Variants in PTK2 observed in about 807,000 individuals in gnomAD.
The protein encoded by PTK2 is focal adhesion kinase 1.
Under a neutral mutation model 150.1 loss-of-function variants are expected in PTK2, and 45 were observed. The ratio of observed to expected loss-of-function variants is 0.30; its 90% CI spans 0.24 to 0.38. PTK2 has a LOEUF of 0.38. Among genes scored for constraint, PTK2 ranks in the 10% least tolerant of loss-of-function variants. The pLI is 1.00. For synonymous variants in PTK2, 432 were observed against 449.2 expected, an observed-to-expected ratio of 0.96 and a Z score of 0.48; for missense variants, 919 against 1,307.3, an observed-to-expected ratio of 0.70 and a Z score of 4.58.
chr8:140,897,492 C>T (rs1337554922), intron 2 of PTK2, among the ~76,000 whole-genome samples: 1 of 152,180 alleles, frequency 6.6e-6, no homozygotes, highest in Non-Finnish European at 1.5e-5. Flanking sequence ...CTTCAGCTCT[C>T]TCCGGGAAGG....
At chr8:140,991,681 T>C (rs914141691) in intron 1 of PTK2, among the ~76,000 whole-genome samples, 2 of 152,056 alleles carry the variant, frequency 1.3e-5, no homozygotes, top group Admixed American at 6.5e-5. Flanking sequence ...TCACAAACAT[T>C]AGCATGCATC....
At chr8:140,918,320 T>C (rs1035298279) in intron 2 of PTK2, among the ~76,000 whole-genome samples, 5 of 152,186 alleles carry the variant, frequency 3.3e-5, no homozygotes, top group Non-Finnish European at 7.4e-5. Flanking sequence ...TATCTGACAC[T>C]CTTTAGTCCT....
chr8:140,973,047 T>G (rs929092760), intron 1 of PTK2, among the ~76,000 whole-genome samples: 1 of 152,272 alleles, frequency 6.6e-6, no homozygotes, highest in Non-Finnish European at 1.5e-5. Flanking sequence ...AAATTCTAAT[T>G]TTTCAGTTTC....
intron 1 of PTK2, among the ~76,000 whole-genome samples, chr8:140,980,320 C>T (rs2100190932): frequency 6.6e-6 from 1 of 152,094 alleles, no homozygotes; most frequent in Non-Finnish European, 1.5e-5. Flanking sequence ...AGCATGATAC[C>T]CTTAGTATAA....
chr8:140,823,067 G>T (rs1367546454), intron 8 of PTK2, among the ~76,000 whole-genome samples: 1 of 152,022 alleles, frequency 6.6e-6, no homozygotes, highest in African/African-American at 2.4e-5. Context: ...AAAAGCCCTG[G>T]AATATAAAAA....
At chr8:140,743,926 C>T (rs1264934576) in intron 19 of PTK2, among the ~76,000 whole-genome samples, 9 of 151,626 alleles carry the variant, frequency 5.9e-5, no homozygotes, top group African/African-American at 1.5e-4. Flanking sequence ...TACAGGCGCC[C>T]GCCACCATGC....
chr8:140,922,875 A>AT (rs960498255), intron 2 of PTK2, among the ~76,000 whole-genome samples: 1 of 152,134 alleles, frequency 6.6e-6, no homozygotes, highest in African/African-American at 2.4e-5. Flanking sequence ...CACAGGAAGG[A>AT]TTTTTTAGTC....
intron 14 of PTK2, among the ~76,000 whole-genome samples, chr8:140,778,137 C>G (rs1187355408): frequency 6.6e-6 from 1 of 152,154 alleles, no homozygotes; most frequent in Non-Finnish European, 1.5e-5. Flanking sequence ...AATTCCTGAC[C>G]AGGTAACAAG....
intron 1 of PTK2, among the ~76,000 whole-genome samples, chr8:140,926,727 A>G (rs2100169601): frequency 6.6e-6 from 1 of 152,222 alleles, no homozygotes; most frequent in African/African-American, 2.4e-5. Context: ...AATACAAAAA[A>G]TAGATGGGAA....
chr8:140,814,556 C>T (rs1008126803), intron 10 of PTK2, among the ~76,000 whole-genome samples: 2 of 152,088 alleles, frequency 1.3e-5, no homozygotes, highest in Non-Finnish European at 2.9e-5. Flanking sequence ...AAAACAAAAA[C>T]CACAGGATCA....
At chr8:140,959,374 C>CAA (rs1177295670) in intron 1 of PTK2, among the ~76,000 whole-genome samples, 5 of 121,880 alleles carry the variant, frequency 4.1e-5, no homozygotes, top group African/African-American at 9.2e-5. Context: ...ACTAAAAATA[C>CAA]AAAAAAAAAA....
At chr8:140,840,461 CTAAAA>C (rs1567337828) in intron 7 of PTK2, among the ~76,000 whole-genome samples, 2 of 151,910 alleles carry the variant, frequency 1.3e-5, no homozygotes, top group South Asian at 4.1e-4. Context: ...AAAGATATAA[CTAAAA>C]TAACAGGAAA....
chr8:140,818,776 A>G, intron 9 of PTK2, 104 bp downstream of exon 9: 1 of 1,232,180 alleles, frequency 8.1e-7, no homozygotes, highest in Non-Finnish European at 1.1e-6. Flanking sequence ...ATTGAAAAAA[A>G]TGGGACAAGT....
chr8:140,977,648 G>C (rs868075041), intron 1 of PTK2, among the ~76,000 whole-genome samples: 15 of 151,530 alleles, frequency 9.9e-5, no homozygotes, highest in Middle Eastern at 3.2e-3. Context: ...AGTGAGCTGT[G>C]ATCGTCCAAC....
At chr8:140,790,043 C>G (rs1326701077) in intron 13 of PTK2, among the ~76,000 whole-genome samples, 1 of 145,996 alleles carries the variant, frequency 6.8e-6, no homozygotes, top group Non-Finnish European at 1.5e-5. Context: ...TATCTTGCTA[C>G]TTGCTTCATG....
At chr8:140,871,533 T>C (rs750159220) in intron 4 of PTK2, among the ~76,000 whole-genome samples, 5 of 152,208 alleles carry the variant, frequency 3.3e-5, no homozygotes, top group African/African-American at 9.6e-5. Flanking sequence ...GCATGGTGGC[T>C]CATGCCTGTA....
chr8:140,977,940 AAAT>A (rs1447681509), intron 1 of PTK2, among the ~76,000 whole-genome samples: 1 of 152,218 alleles, frequency 6.6e-6, no homozygotes, highest in African/African-American at 2.4e-5. Flanking sequence ...GAGCCCTCAG[AAAT>A]AATGCCGCAT....
At chr8:140,877,778 C>T (rs1385698392) in intron 4 of PTK2, among the ~76,000 whole-genome samples, 1 of 151,972 alleles carries the variant, frequency 6.6e-6, no homozygotes, top group Non-Finnish European at 1.5e-5. Flanking sequence ...TTTGAGGATT[C>T]AAGACCCAGT....
chr8:140,782,652 T>C (rs979732512), intron 14 of PTK2, among the ~76,000 whole-genome samples: 5 of 152,202 alleles, frequency 3.3e-5, no homozygotes, highest in African/African-American at 1.2e-4. Context: ...GGTTTTTTTT[T>C]TTCTTTTCTT....
Sources: allele counts gnomAD v4.1 joint callset (sites outside exome capture counted in the v4.1 genomes callset), GRCh38; gene constraint gnomAD v4.1.1; transcripts MANE v1.5; gene names NCBI Gene and HGNC (gene_info 2026-07-23, HGNC 2026-07-21).